Variants in DENND5B observed in about 807,000 individuals in gnomAD.
DENND5B encodes DENN domain containing 5B.
A neutral mutation model predicts 140.6 loss-of-function variants in DENND5B; 34 were observed. That is an observed-to-expected ratio of 0.24 (90% CI 0.18 to 0.32). The LOEUF (loss-of-function observed/expected upper bound fraction) is 0.32, where lower values mean the gene tolerates loss of function less well. DENND5B is among the 10% of genes least tolerant of loss of function. DENND5B has a pLI of 1.00. For synonymous variants in DENND5B, 551 were observed against 562.1 expected (o/e 0.98, Z 0.28); for missense variants, 1,142 against 1,560.2 (o/e 0.73, Z 4.52).
chr12:31,479,675 T>A lies in DENND5B; in HGVS notation c.818A>T (p.Glu273Val). The A allele has an allele frequency of 1.3e-6, 2 of 1,582,870 alleles. No individual in the cohort carries two copies. The highest frequency in any genetic ancestry group is 8.6e-7 in the Non-Finnish European group (1 of 1,164,816). The part of the protein sequence containing the change: ...ELPLSDYPLR[E>V]AFELLGLENL... Reference sequence around the variant, plus strand: ...CTCTAATCCCAGGAGCTCAAATGCCTCCCGAAGGGGGTAATCAGAGAGGGG... The same window carrying A: ...CTCTAATCCCAGGAGCTCAAATGCCACCCGAAGGGGGTAATCAGAGAGGGG... Residue 273 changes from glutamate to valine, a missense_variant, in exon 3 of 21, where the codon GAG becomes GTG. Physicochemically the swap from Glu to Val is moderately radical, Grantham distance 121. Transcript: ENST00000389082.
At chr12:31,435,452 A>G (rs1029944804) in intron 7 of DENND5B, among the ~76,000 whole-genome samples, 5 of 151,966 alleles carry the variant, frequency 3.3e-5, no homozygotes, top group African/African-American at 1.2e-4. Context: ...CTGTATCGCC[A>G]ATCTTTTTCT....
intron 1 of DENND5B, among the ~76,000 whole-genome samples, chr12:31,587,531 T>C (rs1156685505): frequency 9.6e-5 from 1 of 10,388 alleles, no homozygotes; most frequent in Admixed American, 1.8e-3. Flanking sequence ...AATACCTTTT[T>C]TTTTTTTTTT....
rs996781036 is a variant in DENND5B at position 31,399,152 on chromosome 12, G to A, written c.3068+502C>T. The stretch of plus-strand genomic sequence containing the variant: ...CAAAAAAAAAAAAAAAAAAGAGAGA[G>A]AAAGAAAAAAAAAAGTTTTTTGGGG... On this transcript the variant is annotated intron_variant, in intron 16 of 20. Coordinates refer to ENST00000389082, the MANE Select transcript of DENND5B (RefSeq NM_144973.4). 4.3e-3 allele frequency among the ~76,000 whole-genome samples: 310 copies of A among 71,310 alleles called. 6 individuals carry two copies. Among genetic ancestry groups the A allele is most frequent in the East Asian group, 6.1e-3 (14 of 2,280 alleles). The allele number at this position is 71,310 out of a possible 152,430, so 46.8% of individuals were successfully genotyped here. A position where few individuals can be genotyped will look rare whatever the true frequency, so the allele number is the denominator to read the frequency against.
chr12:31,458,418 G>C (rs1238170787), intron 4 of DENND5B, among the ~76,000 whole-genome samples: 6 of 152,094 alleles, frequency 3.9e-5, no homozygotes, highest in African/African-American at 1.4e-4. Context: ...CTTTTTCCTT[G>C]AAAATTTAAA....
rs188693742 is a variant in DENND5B, at chr12:31,552,852, C to T, written c.127+37854G>A. ...TCTTCTAGATTTTCTAGTTTATTTG[C>T]GTAGAGGTGTTTATAGTATCTCTGA... On this transcript the variant is annotated intron_variant, in intron 1 of 20. Coordinates refer to ENST00000389082, the MANE Select transcript of DENND5B (RefSeq NM_144973.4). Among the ~76,000 whole-genome samples the T allele has an allele frequency of 1.1e-4, 16 of 152,256 alleles. 1 individual carries two copies. The East Asian group carries it at 1.9e-3, about 18-fold the overall frequency.
Position 31,392,714 on chromosome 12 carries a change from G to A in DENND5B, c.3257-18C>T. 1 of 1,548,030 alleles carries A rather than the reference G, an allele frequency of 6.5e-7. No homozygotes were observed. On this transcript the variant is annotated intron_variant, in intron 17 of 20. Coordinates refer to ENST00000389082, the MANE Select transcript of DENND5B (RefSeq NM_144973.4). ...ATTGGGTTCTGTAAAATAATAAACAGTGGCTGCATTCTCATGGGAGAGAAA... is the reference window on the plus strand; with the variant it reads ...ATTGGGTTCTGTAAAATAATAAACAATGGCTGCATTCTCATGGGAGAGAAA...
chr12:31,418,880 C>G (rs1565560322), intron 11 of DENND5B, among the ~76,000 whole-genome samples: 1 of 152,280 alleles, frequency 6.6e-6, no homozygotes, highest in East Asian at 1.9e-4. Flanking sequence ...CTCAAGGAAT[C>G]CTCCCACCTT....
rs1301489506 is a variant in DENND5B, at chr12:31,590,966, C to T, written c.-134G>A. The T allele has an allele frequency of 1.4e-5, 13 of 960,974 alleles. No homozygotes were observed. The highest frequency in any genetic ancestry group is 3.5e-5 in the African/African-American group (2 of 56,734). The allele number at this position is 960,974 out of a possible 1,614,324, so 59.5% of individuals were successfully genotyped here. On this transcript the variant is annotated 5_prime_UTR_variant, in exon 1 of 21. Transcript: ENST00000389082. The stretch of plus-strand genomic sequence containing the variant: ...ACTGGCGCGCCCATGGCCGCGCAGC[C>T]GCCTCTCGCCGCCGCAGCCTGCCTC...
rs574647143 is a variant in DENND5B, at chr12:31,415,507, T to C, written c.2471-59A>G. On this transcript the variant is annotated intron_variant, in intron 11 of 20. Transcript: ENST00000389082. ...AGTAATAAAAAATATACATGGTTCATATTAAATACTTTGAAACTGCTTCGA... is the reference window on the plus strand; with the variant it reads ...AGTAATAAAAAATATACATGGTTCACATTAAATACTTTGAAACTGCTTCGA... The C allele has an allele frequency of 1.9e-5, 25 of 1,347,864 alleles. 1 individual carries two copies. The South Asian group carries it at 2.2e-4, about 12-fold the overall frequency. The allele number at this position is 1,347,864 out of a possible 1,614,324, so 83.5% of individuals were successfully genotyped here.
At chr12:31,543,731 T>G (rs538544871) in intron 1 of DENND5B, among the ~76,000 whole-genome samples, 4 of 152,208 alleles carry the variant, frequency 2.6e-5, no homozygotes, top group African/African-American at 2.4e-5. Context: ...GTTTATTCAA[T>G]AAACACAGAC....
At chr12:31,477,525 C>T (rs1400464049) in intron 3 of DENND5B, 1 of 152,574 alleles carries the variant, frequency 6.6e-6, no homozygotes, top group East Asian at 1.9e-4. Flanking sequence ...ACTTTGCTGT[C>T]AGTAGCTCAA....
At chr12:31,442,190 C>T (rs964880257) in intron 7 of DENND5B, among the ~76,000 whole-genome samples, 1 of 152,172 alleles carries the variant, frequency 6.6e-6, no homozygotes, top group Non-Finnish European at 1.5e-5. Context: ...AGAGGTGAGA[C>T]ATCTGAAGGC....
chr12:31,493,734 G>A (rs1274356953), intron 2 of DENND5B, among the ~76,000 whole-genome samples: 1 of 152,180 alleles, frequency 6.6e-6, no homozygotes, highest in Non-Finnish European at 1.5e-5. Flanking sequence ...GGGAGGCTGA[G>A]GCAGGAGGAT....
chr12:31,581,455 G>A (rs902034241), intron 1 of DENND5B, among the ~76,000 whole-genome samples: 29 of 152,036 alleles, frequency 1.9e-4, no homozygotes, highest in African/African-American at 5.8e-4. Context: ...TTGGGAGGCC[G>A]AGGCGGGCAG....
chr12:31,478,368 G>A (rs190109429), intron 3 of DENND5B, among the ~76,000 whole-genome samples: 84 of 152,218 alleles, frequency 5.5e-4, no homozygotes, highest in Admixed American at 2.9e-3. Flanking sequence ...GGCACCAGTC[G>A]GGATTGCACT....
At position 31,415,498 on chromosome 12, in the gene DENND5B, C is replaced by T. The variant is rs1329663381; in HGVS notation, c.2471-50G>A. 6.4e-6 allele frequency: 9 copies of T among 1,401,174 alleles called. No homozygotes were observed. In the South Asian group the frequency reaches 1.0e-4, roughly 16 times the overall value. 86.8% of individuals were successfully genotyped at this position (1,401,174 alleles called of 1,614,324 possible). A position where few individuals can be genotyped will look rare whatever the true frequency, so the allele number is the denominator to read the frequency against. On this transcript the variant is annotated intron_variant, in intron 11 of 20. Transcript: ENST00000389082. ...TATTAGAAAAGTAATAAAAAATATA[C>T]ATGGTTCATATTAAATACTTTGAAA...
chr12:31,555,546 C>A (rs1255667580), intron 1 of DENND5B, among the ~76,000 whole-genome samples: 3 of 152,186 alleles, frequency 2.0e-5, no homozygotes. Flanking sequence ...AGATCTCAAG[C>A]TGCATGCTGG....
chr12:31,550,325 G>A (rs544881930), intron 1 of DENND5B, among the ~76,000 whole-genome samples: 1 of 147,566 alleles, frequency 6.8e-6, no homozygotes, highest in Middle Eastern at 3.5e-3. Flanking sequence ...TTTGGTTTTT[G>A]GTCCTTGCAA....
intron 7 of DENND5B, among the ~76,000 whole-genome samples, chr12:31,441,752 A>G (rs1158859533): frequency 2.0e-5 from 3 of 152,074 alleles, no homozygotes; most frequent in Non-Finnish European, 2.9e-5. Context: ...GCAGTAGTGC[A>G]ATCACGGCTC....
Sources: allele counts gnomAD v4.1 joint callset (sites outside exome capture counted in the v4.1 genomes callset), GRCh38; gene constraint gnomAD v4.1.1; transcripts MANE v1.5; gene names NCBI Gene and HGNC (gene_info 2026-07-23, HGNC 2026-07-21).